PXDNL: variants seen among roughly 807,000 people sequenced by gnomAD.
PXDNL encodes peroxidasin like, also known as probable oxidoreductase PXDNL.
PXDNL carries 145 observed loss-of-function variants against 150.8 expected under a neutral mutation model. The observed-to-expected ratio is 0.96, with a 90% CI of 0.84 to 1.10. The LOEUF (loss-of-function observed/expected upper bound fraction) is 1.10. Ranked by LOEUF, PXDNL falls within the 50% of genes least tolerant of loss-of-function variation. The pLI, the probability that PXDNL is intolerant of heterozygous loss-of-function variation, is 0.00. For missense variants in PXDNL, 2,087 were observed against 1,873.9 expected (o/e 1.11, Z -2.10); for synonymous variants, 757 against 725.7 (o/e 1.04, Z -0.69).
chr8:51,735,879 C>T (rs919912611), intron 1 of PXDNL, among the ~76,000 whole-genome samples: 9 of 152,160 alleles, frequency 5.9e-5, no homozygotes, highest in Non-Finnish European at 1.3e-4. Flanking sequence ...AATTCTTCAA[C>T]TTAATAGCCT....
At chr8:51,476,698 A>C (rs1810486760) in intron 6 of PXDNL, among the ~76,000 whole-genome samples, 1 of 152,222 alleles carries the variant, frequency 6.6e-6, no homozygotes, top group African/African-American at 2.4e-5. Flanking sequence ...TGGGTTAAAA[A>C]GGGAGCTTTT....
At chr8:51,323,193 C>T (rs1805380492) in intron 21 of PXDNL, among the ~76,000 whole-genome samples, 1 of 152,168 alleles carries the variant, frequency 6.6e-6, no homozygotes, top group Non-Finnish European at 1.5e-5. Flanking sequence ...CTATTCTAAA[C>T]TTTAGGCACT....
chr8:51,796,812 T>C (rs186669802), intron 1 of PXDNL, among the ~76,000 whole-genome samples: 1 of 152,302 alleles, frequency 6.6e-6, no homozygotes, highest in Admixed American at 6.5e-5. Flanking sequence ...GACTTCTACC[T>C]AACTCATTTT....
At chr8:51,797,223 A>T (rs1485235757) in intron 1 of PXDNL, among the ~76,000 whole-genome samples, 1 of 152,216 alleles carries the variant, frequency 6.6e-6, no homozygotes, top group East Asian at 1.9e-4. Context: ...TATCACACTG[A>T]ATGGGCAAAA....
chr8:51,758,106 C>T (rs1226684700), intron 1 of PXDNL, among the ~76,000 whole-genome samples: 1 of 151,970 alleles, frequency 6.6e-6, no homozygotes, highest in East Asian at 1.9e-4. Flanking sequence ...TGAAATTCAA[C>T]TAAAATCTTT....
chr8:51,376,659 G>A (rs1000946929), intron 17 of PXDNL, among the ~76,000 whole-genome samples: 36 of 151,442 alleles, frequency 2.4e-4, no homozygotes, highest in Middle Eastern at 3.2e-3. Flanking sequence ...TCTTTTTGAT[G>A]TCTGTTCTGG....
chr8:51,499,591 C>A, intron 5 of PXDNL, 108 bp downstream of exon 5: 1 of 764,470 alleles, frequency 1.3e-6, no homozygotes, highest in South Asian at 1.6e-5. Flanking sequence ...ACAGGCTCTG[C>A]CTCTAAAGCT....
At chr8:51,678,649 T>C (rs1348594390) in intron 1 of PXDNL, among the ~76,000 whole-genome samples, 2 of 148,132 alleles carry the variant, frequency 1.4e-5, no homozygotes, top group Admixed American at 6.8e-5. Context: ...TTCTCACTCA[T>C]AGGTGGGAAT....
intron 5 of PXDNL, among the ~76,000 whole-genome samples, chr8:51,484,162 C>T (rs1039721953): frequency 7.9e-5 from 12 of 151,870 alleles, no homozygotes; most frequent in African/African-American, 1.9e-4. Flanking sequence ...AAAATACAGG[C>T]GTGGTGGCTC....
intron 4 of PXDNL, among the ~76,000 whole-genome samples, chr8:51,508,961 G>C (rs1039624288): frequency 1.3e-5 from 2 of 152,112 alleles, no homozygotes; most frequent in African/African-American, 4.8e-5. Context: ...GGTTGTAAAA[G>C]AGATCCAGAT....
rs530501838 is a variant in PXDNL, at chr8:51,471,679, A to ATTT, written c.812+505_812+507dup. Among the ~76,000 whole-genome samples the ATTT allele has an allele frequency of 8.0e-3, 1,167 of 146,392 alleles. 16 individuals carry two copies. The highest frequency in any genetic ancestry group is 0.028 in the African/African-American group (1,119 of 40,110). Reference sequence around the variant, plus strand: ...AATCACTGAGGTCTGGAAATGCATAATTTTTTTTTTTGGTTTTTTTTTTTT... The same window carrying ATTT: ...AATCACTGAGGTCTGGAAATGCATAATTTTTTTTTTTTTTGGTTTTTTTTTTTT... On this transcript the variant is annotated intron_variant, in intron 8 of 22. Coordinates refer to ENST00000356297, the MANE Select transcript of PXDNL (RefSeq NM_144651.5).
At chr8:51,493,414 C>T (rs182458332) in intron 5 of PXDNL, among the ~76,000 whole-genome samples, 13 of 152,258 alleles carry the variant, frequency 8.5e-5, no homozygotes, top group African/African-American at 2.4e-4. Context: ...TCACCAGCAA[C>T]GGAACAAAGC....
intron 4 of PXDNL, among the ~76,000 whole-genome samples, chr8:51,514,412 A>G (rs950437639): frequency 6.6e-6 from 1 of 152,206 alleles, no homozygotes; most frequent in South Asian, 2.1e-4. Flanking sequence ...GTTGCTATAT[A>G]CGGAACCATC....
chr8:51,705,820 T>C (rs1283545981), intron 1 of PXDNL, among the ~76,000 whole-genome samples: 1 of 67,312 alleles, frequency 1.5e-5, no homozygotes, highest in African/African-American at 7.6e-5. Context: ...TGTGTGTGTG[T>C]GTGTGTGTGT....
intron 1 of PXDNL, among the ~76,000 whole-genome samples, chr8:51,678,080 C>T (rs976740941): frequency 1.6e-4 from 25 of 152,284 alleles, no homozygotes; most frequent in African/African-American, 5.5e-4. Context: ...CACAGAACAT[C>T]GTGTATGAAG....
intron 4 of PXDNL, among the ~76,000 whole-genome samples, chr8:51,526,044 G>GT (rs549694446): frequency 2.0e-5 from 3 of 152,174 alleles, no homozygotes; most frequent in East Asian, 1.9e-4. Context: ...TGCATGTATA[G>GT]TTTTTTCCCC....
rs533532952 is a variant in PXDNL at position 51,337,511 on chromosome 8, C to T, written c.4146+2113G>A. Among the ~76,000 whole-genome samples the T allele has an allele frequency of 1.2e-4, 18 of 152,276 alleles. No individual in the cohort carries two copies. The South Asian group carries it at 3.3e-3, about 28-fold the overall frequency. On this transcript the variant is annotated intron_variant, in intron 21 of 22. Transcript: ENST00000356297. ...TGTGATGTCCAGAGTTCTCAGTCAC[C>T]CCAACCATTGCATGCTATCTATCTT...
chr8:51,423,470 A>T, intron 14 of PXDNL, 105 bp downstream of exon 14: 2 of 805,906 alleles, frequency 2.5e-6, no homozygotes, highest in Non-Finnish European at 3.5e-6. Flanking sequence ...GACCAGAAAG[A>T]AAGTATAAGA....
At chr8:51,498,470 G>T (rs569382904) in intron 5 of PXDNL, among the ~76,000 whole-genome samples, 3 of 151,924 alleles carry the variant, frequency 2.0e-5, no homozygotes, top group Non-Finnish European at 4.4e-5. Context: ...TTAATATAAG[G>T]TATTAGAAAA....
Sources: gnomAD v4.1 joint callset for allele counts (sites outside exome capture counted in the v4.1 genomes callset) on GRCh38, gnomAD v4.1.1 for gene constraint, MANE v1.5 for transcripts, NCBI Gene and HGNC (gene_info 2026-07-23, HGNC 2026-07-21) for gene names.